Variants in MXRA5 observed in about 807,000 individuals in gnomAD.
The protein encoded by MXRA5 is matrix-remodeling-associated protein 5.
Under a neutral mutation model 112.5 loss-of-function variants are expected in MXRA5, and 41 were observed. The observed-to-expected ratio is 0.36, with a 90% CI of 0.28 to 0.47. The LOEUF (loss-of-function observed/expected upper bound fraction) is 0.47. Among genes scored for constraint, MXRA5 ranks in the 20% least tolerant of loss-of-function variants. The pLI is 0.99. For synonymous variants in MXRA5, 862 were observed against 900.8 expected (o/e 0.96, Z 0.77); for missense variants, 2,150 against 2,251.0 (o/e 0.96, Z 0.91).
intron 2 of MXRA5, among the ~76,000 whole-genome samples, chrX:3,339,268 ATTTTTTTG>A (rs1921860322): frequency 9.3e-6 from 1 of 107,774 alleles, no homozygotes; most frequent in South Asian, 4.1e-4. Flanking sequence ...TTGTTGTTTT[ATTTTTTTG>A]TTTTTTGAGA....
chrX:3,333,944 C>T (rs1472031414), intron 2 of MXRA5, among the ~76,000 whole-genome samples: 3 of 111,063 alleles, frequency 2.7e-5, no homozygotes, highest in African/African-American at 6.5e-5. Context: ...AGTGTGTAGA[C>T]GTGAGATCCT....
chrX:3,320,637 A>G lies in MXRA5; in HGVS notation c.5048T>C (p.Ile1683Thr), dbSNP rs750157854. Reference sequence around the variant, plus strand: ...TCTTCGGTCAGTAAACTTACTAGGAATGCTGGGTTTGGACATGTGCAATGG... The same window carrying G: ...TCTTCGGTCAGTAAACTTACTAGGAGTGCTGGGTTTGGACATGTGCAATGG... ...PLPLHMSKPS[I>T]PSKFTDRRTD... Residue 1683 changes from isoleucine to threonine, a missense_variant, in exon 5 of 7, where the codon ATT becomes ACT. This residue lies in a region of MXRA5 where 1,485 missense variants were observed against 1,471.6 expected (regional missense o/e 1.01). Transcript: ENST00000217939. 11 of 1,211,801 alleles carry G rather than the reference A, an allele frequency of 9.1e-6. No homozygotes were observed. Among genetic ancestry groups the G allele is most frequent in the Non-Finnish European group, 1.2e-5 (11 of 895,388 alleles).
Position 3,309,484 on chromosome X carries a change from C to A in MXRA5, c.*232G>T, listed in dbSNP as rs143753500. 4,369 of 404,598 alleles carry A rather than the reference C, an allele frequency of 0.011. 154 individuals carry two copies. Among genetic ancestry groups the A allele is most frequent in the African/African-American group, 0.097 (3,843 of 39,492 alleles). 33.3% of individuals were successfully genotyped at this position (404,598 alleles called of 1,213,427 possible). On this transcript the variant is annotated 3_prime_UTR_variant, in exon 7 of 7. Coordinates refer to ENST00000217939, the MANE Select transcript of MXRA5 (RefSeq NM_015419.4). Reference sequence around the variant, plus strand: ...CAGACACCCTGAATGAAGCCCCTGGCATGATGTAAACACAAAAGAAAGTGT... The same window carrying A: ...CAGACACCCTGAATGAAGCCCCTGGAATGATGTAAACACAAAAGAAAGTGT...
rs750275062 is a variant in MXRA5, at chrX:3,322,233, G to A, written c.3452C>T (p.Pro1151Leu). The A allele has an allele frequency of 1.0e-5, 12 of 1,194,248 alleles. No individual in the cohort carries two copies. The South Asian group carries it at 1.5e-4, about 15-fold the overall frequency. The change falls in exon 5 of 7, where the codon CCC (proline) becomes CTC (leucine). Residue 1151 changes from proline to leucine, a missense_variant. Transcript: ENST00000217939. Reference sequence around the variant, plus strand: ...GGGGCGTAATCTCCTTCTCCCGTTGGGTCTCCTTCGAGAAGGGTGAGTGCT... The same window carrying A: ...GGGGCGTAATCTCCTTCTCCCGTTGAGTCTCCTTCGAGAAGGGTGAGTGCT... Reference protein sequence around the residue: ...TMSTHPSRRRPNGRRRLRPNK... With the variant: ...TMSTHPSRRRLNGRRRLRPNK...
intron 2 of MXRA5, among the ~76,000 whole-genome samples, chrX:3,332,533 C>T (rs963334371): frequency 4.4e-5 from 5 of 112,363 alleles, no homozygotes; most frequent in Middle Eastern, 4.6e-3. Context: ...CGTGAGCCAC[C>T]GCGCCCGGCC....
chrX:3,331,071 T>A lies in MXRA5; in HGVS notation c.189-298A>T, dbSNP rs1486166181. On this transcript the variant is annotated intron_variant, in intron 2 of 6. Transcript: ENST00000217939. The stretch of plus-strand genomic sequence containing the variant: ...GCACAGGCCACTATCCCTGGCTAAT[T>A]TTTTATTTTTCATTTTTGTAGAGAC... Among the ~76,000 whole-genome samples, 4 of 110,747 alleles carry A rather than the reference T, an allele frequency of 3.6e-5. No individual in the cohort carries two copies. In the East Asian group the frequency reaches 8.5e-4, roughly 24 times the overall value.
In MXRA5 at chrX:3,321,929, C is replaced by A; in HGVS notation, c.3756G>T (p.Ala1252=). ...RYTPSTVSSR[A]SGSKPSPSPE... ...GAGAAGGGCTGGGCTTGGATCCGGA[C>A]GCTCTTGAGCTCACTGTAGAAGGGG... The change falls in exon 5 of 7, where the codon GCG becomes GCT. Residue 1252 remains alanine, a synonymous_variant. Transcript: ENST00000217939. 8.3e-7 allele frequency: 1 copy of A among 1,210,654 alleles called. No individual in the cohort carries two copies. Among genetic ancestry groups the A allele is most frequent in the Non-Finnish European group, 1.1e-6 (1 of 894,992 alleles).
At chrX:3,331,054 C>A (rs1921653541) in intron 2 of MXRA5, among the ~76,000 whole-genome samples, 1 of 111,261 alleles carries the variant, frequency 9.0e-6, no homozygotes, top group South Asian at 3.8e-4. Flanking sequence ...AGGCACAGGC[C>A]ACTATCCCTG....
intron 6 of MXRA5, among the ~76,000 whole-genome samples, chrX:3,316,243 GGC>G (rs1921123862): frequency 1.1e-5 from 1 of 91,721 alleles, no homozygotes; most frequent in Non-Finnish European, 2.1e-5. Context: ...GAACCCGGGA[GGC>G]GGAGCTTGCA....
rs1430662933 is a variant in MXRA5 at position 3,324,339 on chromosome X, T to C, written c.1346A>G (p.Lys449Arg). 1 of 1,211,615 alleles carries C rather than the reference T, an allele frequency of 8.3e-7. No individual in the cohort carries two copies. The highest frequency in any genetic ancestry group is 2.2e-5 in the Admixed American group (1 of 45,976). ...GGTGTAGTAGGAAAGTAGCACCTTC[T>C]TGGCCGTACTCTGACGTCGGTTCAG... ...IQLNRRQSTA[K>R]KVLLSYYTQY... Residue 449 changes from lysine (K) to arginine (R), a missense_variant, in exon 5 of 7, where the codon AAG becomes AGG. Physicochemically the swap from Lys to Arg is conservative, Grantham distance 26. Transcript: ENST00000217939.
At position 3,323,832 on chromosome X, in the gene MXRA5, A is replaced by G; in HGVS notation, c.1853T>C (p.Ile618Thr). The G allele has an allele frequency of 1.7e-6, 2 of 1,211,319 alleles. No individual in the cohort carries two copies. Among genetic ancestry groups the G allele is most frequent in the Non-Finnish European group, 1.1e-6 (1 of 895,227 alleles). Residue 618 changes from isoleucine to threonine, a missense_variant, in exon 5 of 7, where the codon ATA (isoleucine) becomes ACA (threonine). By Grantham distance (89) the Ile-to-Thr change is moderately conservative. This residue lies in a region of MXRA5 where 1,485 missense variants were observed against 1,471.6 expected (regional missense o/e 1.01). Coordinates refer to ENST00000217939, the MANE Select transcript of MXRA5 (RefSeq NM_015419.4). ...TGATGTGTTAGCCAAATCATTAATTATCCTTCTGTTTGGAAGAATCCAGCT... is the reference window on the plus strand; with the variant it reads ...TGATGTGTTAGCCAAATCATTAATTGTCCTTCTGTTTGGAAGAATCCAGCT... ...HLSWILPNRR[I>T]INDLANTSHV... is the part of the protein sequence containing the mutation.
chrX:3,330,967 A>G (rs1921650898), intron 2 of MXRA5, among the ~76,000 whole-genome samples, 194 bp from the exon 3 acceptor site: 1 of 111,254 alleles, frequency 9.0e-6, no homozygotes. Context: ...CAGCGGTGCA[A>G]TCGTAGCTCA....
At position 3,330,833 on chromosome X, in the gene MXRA5, A is replaced by T. The variant is rs1921647943; in HGVS notation, c.189-60T>A. On this transcript the variant is annotated intron_variant, in intron 2 of 6. Coordinates refer to ENST00000217939, the MANE Select transcript of MXRA5 (RefSeq NM_015419.4). Reference sequence around the variant, plus strand: ...ATAATTAAGAAAATAAATAGCGAATACTTAACTCCCATATGGGAAACATTC... The same window carrying T: ...ATAATTAAGAAAATAAATAGCGAATTCTTAACTCCCATATGGGAAACATTC... The T allele has an allele frequency of 1.1e-4, 89 of 842,587 alleles. No individual in the cohort carries two copies. In the South Asian group the frequency reaches 2.7e-3, roughly 26 times the overall value. The allele number at this position is 842,587 out of a possible 1,213,427, so 69.4% of individuals were successfully genotyped here. A position where few individuals can be genotyped will look rare whatever the true frequency, so the allele number is the denominator to read the frequency against.
At chrX:3,341,211 A>AC (rs1921943596) in intron 2 of MXRA5, among the ~76,000 whole-genome samples, 5 of 50,905 alleles carry the variant, frequency 9.8e-5, no homozygotes, top group African/African-American at 3.7e-4. Context: ...TATAATATAT[A>AC]ATAATATATA....
At chrX:3,345,371 G>A (rs931812010) in intron 1 of MXRA5, among the ~76,000 whole-genome samples, 8 of 112,449 alleles carry the variant, frequency 7.1e-5, no homozygotes, top group Non-Finnish European at 1.3e-4. Flanking sequence ...AAAAGTCCTC[G>A]GAGTTTTCTC....
chrX:3,318,469 G>C (rs1332662145), intron 5 of MXRA5, among the ~76,000 whole-genome samples: 1 of 112,050 alleles, frequency 8.9e-6, no homozygotes, highest in Non-Finnish European at 1.9e-5. Flanking sequence ...AACCATGAAA[G>C]AAATGTAAAA....
intron 2 of MXRA5, among the ~76,000 whole-genome samples, chrX:3,337,460 T>A (rs1921807376): frequency 1.8e-5 from 2 of 111,892 alleles, no homozygotes; most frequent in East Asian, 2.8e-4. Flanking sequence ...AATTTGTCTA[T>A]CTGTCCCTCT....
chrX:3,320,184 G>A lies in MXRA5; in HGVS notation c.5501C>T (p.Ser1834Leu). ...QSSGSFHQSS[S>L]KFFAGGPPAS... ...AGGAGGTCCTCCTGCAAAGAACTTT[G>A]AGCTGCTCTGGTGGAAGCTTCCTGA... is the stretch of plus-strand genomic sequence containing the variant. Residue 1834 changes from serine (S) to leucine (L), a missense_variant, in exon 5 of 7, where the codon TCA becomes TTA. Ser to Leu is a moderately radical substitution (Grantham distance 145). Transcript: ENST00000217939. The A allele has an allele frequency of 8.3e-7, 1 of 1,211,105 alleles. No homozygotes were observed. Among genetic ancestry groups the A allele is most frequent in the Non-Finnish European group, 1.1e-6 (1 of 895,498 alleles).
chrX:3,324,005 C>A lies in MXRA5; in HGVS notation c.1680G>T (p.Arg560Ser). ...TATATACCATGCGGTCCATTTCATC[C>A]CTCACTTGAGCAATGCACTGGTACA... is the stretch of plus-strand genomic sequence containing the variant. Reference protein sequence around the residue: ...SGLYQCIAQVRDEMDRMVYRV... With the variant: ...SGLYQCIAQVSDEMDRMVYRV... Residue 560 changes from arginine (R) to serine (S), a missense_variant, in exon 5 of 7, where the codon AGG becomes AGT. By Grantham distance (110) the Arg-to-Ser change is moderately radical. Around this residue, in one of 6 missense-constraint regions of MXRA5, gnomAD observed 4 missense variants for 17.8 expected, o/e 0.23. Transcript: ENST00000217939. 1 of 1,205,329 alleles carries A rather than the reference C, an allele frequency of 8.3e-7. No individual in the cohort carries two copies. The highest frequency in any genetic ancestry group is 1.1e-6 in the Non-Finnish European group (1 of 891,775).
Sources: allele counts gnomAD v4.1 joint callset (sites outside exome capture counted in the v4.1 genomes callset), GRCh38; gene constraint gnomAD v4.1.1; regional missense constraint gnomAD v4.1.1; transcripts MANE v1.5; gene names NCBI Gene and HGNC (gene_info 2026-07-23, HGNC 2026-07-21).